The following VKORC1L1 variants were observed in gnomAD, a reference collection of about 807,000 sequenced individuals.
The protein encoded by VKORC1L1 is vitamin K epoxide reductase complex subunit 1L1, also known as vitamin K epoxide reductase complex subunit 1-like protein 1.
In VKORC1L1, 2 loss-of-function variants were observed where a neutral mutation model predicts 18.9. The ratio of observed to expected loss-of-function variants is 0.11; its 90% CI spans 0.04 to 0.33. VKORC1L1 has a LOEUF of 0.33. VKORC1L1 is among the 10% of genes least tolerant of loss of function. VKORC1L1 has a pLI of 1.00. For missense variants in VKORC1L1, 123 were observed against 224.1 expected, an observed-to-expected ratio of 0.55 and a Z score of 2.88; for synonymous variants, 96 against 100.0, an observed-to-expected ratio of 0.96 and a Z score of 0.24.
intron 2 of VKORC1L1, among the ~76,000 whole-genome samples, chr7:65,953,469 A>G (rs1289153192): frequency 6.6e-6 from 1 of 152,238 alleles, no homozygotes; most frequent in Non-Finnish European, 1.5e-5. Context: ...TGATGTTACA[A>G]GTCAGCTTCA....
chr7:65,873,257 T>TGGTGGCGGCGGC lies in VKORC1L1; in HGVS notation c.-112_-101dup. The stretch of plus-strand genomic sequence containing the variant: ...TGGGGCGCGGCGGCGGCGGCGGCGG[T>TGGTGGCGGCGGC]GGTGGCGGCGGCGGCGGAGGCGGCG... On this transcript the variant is annotated 5_prime_UTR_variant, in exon 1 of 3. Coordinates refer to ENST00000360768, the MANE Select transcript of VKORC1L1 (RefSeq NM_173517.6). 2 of 864,226 alleles carry TGGTGGCGGCGGC rather than the reference T, an allele frequency of 2.3e-6. No individual in the cohort carries two copies. The highest frequency in any genetic ancestry group is 2.7e-6 in the Non-Finnish European group (2 of 740,802). 53.5% of individuals were successfully genotyped at this position (864,226 alleles called of 1,614,324 possible). A position where few individuals can be genotyped will look rare whatever the true frequency, so the allele number is the denominator to read the frequency against.
intron 1 of VKORC1L1, among the ~76,000 whole-genome samples, chr7:65,929,527 A>G (rs896085613): frequency 2.6e-5 from 4 of 151,938 alleles, no homozygotes; most frequent in African/African-American, 9.7e-5. Flanking sequence ...GCTTTACAAC[A>G]TCTTGAAGTT....
chr7:65,925,878 AG>A (rs1371072532), intron 1 of VKORC1L1, among the ~76,000 whole-genome samples: 2 of 152,278 alleles, frequency 1.3e-5, no homozygotes, highest in Non-Finnish European at 2.9e-5. Context: ...GCAGAGTCCA[AG>A]AACACTGGCA....
intron 1 of VKORC1L1, among the ~76,000 whole-genome samples, chr7:65,893,607 A>G (rs1789143287): frequency 1.3e-5 from 2 of 151,938 alleles, no homozygotes; most frequent in Admixed American, 1.3e-4. Flanking sequence ...TATAATAGGT[A>G]TGTGCCACTG....
At chr7:65,947,279 G>A (rs1384650570) in intron 1 of VKORC1L1, among the ~76,000 whole-genome samples, 1 of 151,998 alleles carries the variant, frequency 6.6e-6, no homozygotes, top group Non-Finnish European at 1.5e-5. Flanking sequence ...TCTATATCTT[G>A]GGCATCAAGT....
chr7:65,886,477 A>G (rs1177391018), intron 1 of VKORC1L1, among the ~76,000 whole-genome samples: 3 of 152,206 alleles, frequency 2.0e-5, no homozygotes, highest in Non-Finnish European at 4.4e-5. Flanking sequence ...AAAATGTCGT[A>G]CAATATTGCA....
intron 1 of VKORC1L1, among the ~76,000 whole-genome samples, chr7:65,912,845 A>G (rs371055293): frequency 5.9e-5 from 9 of 152,256 alleles, no homozygotes; most frequent in African/African-American, 1.9e-4. Context: ...AATAGATTCA[A>G]TCATAAAATT....
At chr7:65,911,122 C>T (rs1449531362) in intron 1 of VKORC1L1, among the ~76,000 whole-genome samples, 2 of 152,200 alleles carry the variant, frequency 1.3e-5, no homozygotes, top group East Asian at 3.8e-4. Flanking sequence ...TTTTGGTCTT[C>T]ATCTCTTTGG....
At chr7:65,895,724 A>G (rs1347024893) in intron 1 of VKORC1L1, among the ~76,000 whole-genome samples, 2 of 151,532 alleles carry the variant, frequency 1.3e-5, no homozygotes, top group Non-Finnish European at 2.9e-5. Context: ...CAATTTGAGC[A>G]TCAGATCACT....
At chr7:65,929,301 A>G (rs1291204603) in intron 1 of VKORC1L1, among the ~76,000 whole-genome samples, 1 of 152,080 alleles carries the variant, frequency 6.6e-6, no homozygotes, top group Non-Finnish European at 1.5e-5. Context: ...TAATCCACCT[A>G]TTCAGGAGGG....
the VKORC1L1 span, among the ~76,000 whole-genome samples, chr7:65,867,393 G>T: frequency 1.3e-5 from 2 of 151,966 alleles, no homozygotes; most frequent in Non-Finnish European, 2.9e-5. Context: ...AGGGAATGAG[G>T]ATATTTAAGT....
At chr7:65,926,691 G>A (rs1789770765) in intron 1 of VKORC1L1, among the ~76,000 whole-genome samples, 1 of 152,122 alleles carries the variant, frequency 6.6e-6, no homozygotes, top group Non-Finnish European at 1.5e-5. Context: ...GCAAAGACAT[G>A]GCACAAGCCT....
intron 1 of VKORC1L1, among the ~76,000 whole-genome samples, chr7:65,894,833 C>T (rs935279726): frequency 6.6e-6 from 1 of 152,074 alleles, no homozygotes; most frequent in Non-Finnish European, 1.5e-5. Context: ...ATCACTTGAG[C>T]CCAGGAGTTT....
chr7:65,896,523 T>C (rs2116377617), intron 1 of VKORC1L1, among the ~76,000 whole-genome samples: 1 of 151,700 alleles, frequency 6.6e-6, no homozygotes, highest in South Asian at 2.1e-4. Context: ...GTTCCGCTCC[T>C]ATCTTCCCCT....
intron 1 of VKORC1L1, among the ~76,000 whole-genome samples, chr7:65,912,343 G>C (rs1026783095): frequency 6.6e-6 from 1 of 152,176 alleles, no homozygotes; most frequent in African/African-American, 2.4e-5. Flanking sequence ...TCTCCAGGAA[G>C]CCACCAGGAA....
intron 1 of VKORC1L1, among the ~76,000 whole-genome samples, chr7:65,936,529 A>G (rs897026172): frequency 6.6e-6 from 1 of 152,164 alleles, no homozygotes; most frequent in Non-Finnish European, 1.5e-5. Context: ...AGCGTTTGCT[A>G]TCCTGTTTGA....
At chr7:65,926,413 C>G (rs1406655809) in intron 1 of VKORC1L1, among the ~76,000 whole-genome samples, 2 of 152,114 alleles carry the variant, frequency 1.3e-5, no homozygotes, top group Non-Finnish European at 2.9e-5. Flanking sequence ...CTCAGCCTCC[C>G]AAAGTGCTGG....
chr7:65,886,597 G>A (rs1232798230), intron 1 of VKORC1L1, among the ~76,000 whole-genome samples: 1 of 152,076 alleles, frequency 6.6e-6, no homozygotes, highest in South Asian at 2.1e-4. Flanking sequence ...GAGTGCAGTG[G>A]TGCAATCTCG....
intron 1 of VKORC1L1, among the ~76,000 whole-genome samples, chr7:65,894,654 G>A (rs77174822): frequency 6.6e-6 from 1 of 152,212 alleles, no homozygotes; most frequent in Non-Finnish European, 1.5e-5. Flanking sequence ...TGTGAACCCG[G>A]GAGGTGGAGG....
Sources: allele counts gnomAD v4.1 joint callset (sites outside exome capture counted in the v4.1 genomes callset), GRCh38; gene constraint gnomAD v4.1.1; transcripts MANE v1.5; gene names NCBI Gene and HGNC (gene_info 2026-07-23, HGNC 2026-07-21).